SORCS2: variants seen among roughly 807,000 people sequenced by gnomAD.
SORCS2 encodes VPS10 domain-containing receptor SorCS2.
SORCS2 carries 100 observed loss-of-function variants against 141.6 expected under a neutral mutation model. That is an observed-to-expected ratio of 0.71 (90% CI 0.60 to 0.83). The LOEUF is 0.83. SORCS2 is among the 40% of genes least tolerant of loss of function. The pLI is 0.00. For missense variants in SORCS2, 1,646 were observed against 1,560.2 expected (o/e 1.05, Z -0.93); for synonymous variants, 789 against 676.9 (o/e 1.17, Z -2.57).
chr4:7,688,369 A>G (rs1724004187), intron 10 of SORCS2, among the ~76,000 whole-genome samples: 1 of 152,188 alleles, frequency 6.6e-6, no homozygotes, highest in Non-Finnish European at 1.5e-5. Flanking sequence ...ATCTCTGAGT[A>G]CCCAGTTCTA....
intron 1 of SORCS2, among the ~76,000 whole-genome samples, chr4:7,340,870 T>C (rs567842684): frequency 6.6e-6 from 1 of 152,332 alleles, no homozygotes; most frequent in South Asian, 2.1e-4. Flanking sequence ...GCTTTACTAT[T>C]GGCAAGGGTG....
intron 8 of SORCS2, among the ~76,000 whole-genome samples, chr4:7,671,842 A>T (rs75687793): frequency 0.031 from 4,714 of 152,286 alleles, 122 homozygotes; most frequent in Middle Eastern, 0.051. Context: ...TTGATGAAAG[A>T]CATGAATATA....
In SORCS2 at chr4:7,663,860, C is replaced by T. The variant is rs540462993; in HGVS notation, c.953-493C>T. Among the ~76,000 whole-genome samples, 14 of 152,236 alleles carry T rather than the reference C, an allele frequency of 9.2e-5. No individual in the cohort carries two copies. The South Asian group carries it at 1.9e-3, about 20-fold the overall frequency. The stretch of plus-strand genomic sequence containing the variant: ...CTAGCCCCTCCACATAAATTTGCCC[C>T]GGGGAAACAGAAGAACTTCAAATTA... On this transcript the variant is annotated intron_variant, in intron 6 of 26. Coordinates refer to ENST00000507866, the MANE Select transcript of SORCS2 (RefSeq NM_020777.3). The surrounding 1 kb of genome is among the most constrained non-coding windows in gnomAD (Gnocchi z 4.8).
chr4:7,494,367 T>C (rs1044961698), intron 2 of SORCS2, among the ~76,000 whole-genome samples: 4 of 152,222 alleles, frequency 2.6e-5, no homozygotes, highest in African/African-American at 7.2e-5. Context: ...TGAGCTGCTA[T>C]AACAAAATAT....
chr4:7,434,335 G>T (rs758706865), intron 2 of SORCS2: 40 of 1,610,194 alleles, frequency 2.5e-5, no homozygotes, highest in Non-Finnish European at 2.9e-5. Flanking sequence ...TTGGCACAGA[G>T]CTCCTTCAGG....
chr4:7,647,837 T>G (rs989397733), intron 4 of SORCS2, among the ~76,000 whole-genome samples: 1 of 152,222 alleles, frequency 6.6e-6, no homozygotes. Context: ...TCAGGGAACC[T>G]GCCATGGGAA....
chr4:7,647,983 C>T (rs1279533555), intron 4 of SORCS2, among the ~76,000 whole-genome samples: 1 of 152,176 alleles, frequency 6.6e-6, no homozygotes, highest in Non-Finnish European at 1.5e-5. Context: ...AGTGTCTCAT[C>T]GCTGAAGTTT....
chr4:7,436,259 CT>C (rs1467452413), intron 2 of SORCS2, among the ~76,000 whole-genome samples: 1 of 152,216 alleles, frequency 6.6e-6, no homozygotes, highest in African/African-American at 2.4e-5. Flanking sequence ...CGTGGGTGTC[CT>C]TACCTGGACT....
rs538111282 is a variant in SORCS2, at chr4:7,399,234, G to A, written c.548+2879G>A. ...GCCATCACTCTCTCTTCAAGATGCT[G>A]CTTCCTCCCACCCCCACCCTCTGTC... On this transcript the variant is annotated intron_variant, in intron 2 of 26. Coordinates refer to ENST00000507866, the MANE Select transcript of SORCS2 (RefSeq NM_020777.3). Among the ~76,000 whole-genome samples, 5 of 152,170 alleles carry A rather than the reference G, an allele frequency of 3.3e-5. No individual in the cohort carries two copies. The East Asian group carries it at 9.7e-4, about 29-fold the overall frequency.
In SORCS2 at chr4:7,286,639, G is replaced by A. The variant is rs529420710; in HGVS notation, c.480+93513G>A. ...TGGAGGACACAGGCCCAGGGAGGGAGGTGCTCATGGTTGCAAGGGTGAGAG... is the reference window on the plus strand; with the variant it reads ...TGGAGGACACAGGCCCAGGGAGGGAAGTGCTCATGGTTGCAAGGGTGAGAG... On this transcript the variant is annotated intron_variant, in intron 1 of 26. Coordinates refer to ENST00000507866, the MANE Select transcript of SORCS2 (RefSeq NM_020777.3). The surrounding 1 kb of genome is among the most constrained non-coding windows in gnomAD (Gnocchi z 4.1). 1.1e-4 allele frequency among the ~76,000 whole-genome samples: 17 copies of A among 152,328 alleles called. No individual in the cohort carries two copies. The highest frequency in any genetic ancestry group is 3.6e-4 in the African/African-American group (15 of 41,570).
At chr4:7,722,708 T>A (rs1194391497) in intron 18 of SORCS2, among the ~76,000 whole-genome samples, 2 of 152,228 alleles carry the variant, frequency 1.3e-5, no homozygotes, top group East Asian at 3.9e-4. Context: ...TATTTCCAAA[T>A]GAGGTCACAT....
chr4:7,724,179 TAGC>T (rs1398713038), intron 19 of SORCS2, among the ~76,000 whole-genome samples: 3 of 147,096 alleles, frequency 2.0e-5, no homozygotes, highest in Non-Finnish European at 3.0e-5. Context: ...GTGATGGTGA[TAGC>T]AGTACTGGTG....
intron 1 of SORCS2, among the ~76,000 whole-genome samples, chr4:7,194,218 C>G (rs1727034716): frequency 6.6e-6 from 1 of 152,068 alleles, no homozygotes; most frequent in Non-Finnish European, 1.5e-5. Context: ...CTGGGGTCCC[C>G]TAGGAGACCT....
intron 3 of SORCS2, among the ~76,000 whole-genome samples, chr4:7,544,812 C>T (rs1713117189): frequency 6.6e-6 from 1 of 152,226 alleles, no homozygotes; most frequent in Non-Finnish European, 1.5e-5. Flanking sequence ...TGGCTGAACA[C>T]TCAGGGTGTG....
chr4:7,321,141 G>A (rs941195140), intron 1 of SORCS2, among the ~76,000 whole-genome samples: 23 of 152,058 alleles, frequency 1.5e-4, no homozygotes, highest in African/African-American at 2.4e-4. Flanking sequence ...ACTCCTGTGC[G>A]TGCCTTTGCC....
At chr4:7,265,918 A>G (rs185486022) in intron 1 of SORCS2, among the ~76,000 whole-genome samples, 303 of 152,210 alleles carry the variant, frequency 2.0e-3, no homozygotes, top group African/African-American at 6.6e-3. Context: ...GCCCAGGACC[A>G]GGGCTCAGGC....
chr4:7,651,875 G>A (rs547735084), intron 4 of SORCS2, among the ~76,000 whole-genome samples: 30 of 152,336 alleles, frequency 2.0e-4, no homozygotes, highest in African/African-American at 6.7e-4. Context: ...GACTCGGAAG[G>A]CACATTCTTC....
At chr4:7,733,222 G>A in intron 23 of SORCS2, 100 bp from the exon 24 acceptor site, 1 of 687,898 alleles carries the variant, frequency 1.5e-6, no homozygotes, top group Non-Finnish European at 2.1e-6. Flanking sequence ...AACACGTGGA[G>A]ACCCCTCACT....
intron 3 of SORCS2, among the ~76,000 whole-genome samples, chr4:7,606,383 C>T (rs567843980): frequency 2.0e-5 from 3 of 152,180 alleles, no homozygotes; most frequent in Non-Finnish European, 4.4e-5. Flanking sequence ...GGCCGTCAGA[C>T]TCCAGCGACT....
Sources: allele counts gnomAD v4.1 joint callset (sites outside exome capture counted in the v4.1 genomes callset), GRCh38; gene constraint gnomAD v4.1.1; non-coding constraint Gnocchi (gnomAD v3.1); transcripts MANE v1.5; gene names NCBI Gene and HGNC (gene_info 2026-07-23, HGNC 2026-07-21).